PRMT2: variants seen among roughly 807,000 people sequenced by gnomAD.
The protein encoded by PRMT2 is protein arginine N-methyltransferase 2.
PRMT2 carries 26 observed loss-of-function variants against 57.6 expected under a neutral mutation model. The observed-to-expected ratio is 0.45, with a 90% CI of 0.33 to 0.63. The LOEUF (loss-of-function observed/expected upper bound fraction) is 0.63. Among genes scored for constraint, PRMT2 ranks in the 20% least tolerant of loss-of-function variants. The probability of loss-of-function intolerance (pLI) is 0.02; values close to 1 mark genes in which losing one functional copy is unlikely to be tolerated. For synonymous variants in PRMT2, 219 were observed against 220.0 expected (o/e 1.00, Z 0.04); for missense variants, 472 against 564.4 (o/e 0.84, Z 1.66).
chr21:46,660,751 C>G, intron 8 of PRMT2, 82 bp from the exon 9 acceptor site: 1 of 1,520,216 alleles, frequency 6.6e-7, no homozygotes, highest in Non-Finnish European at 8.9e-7. Flanking sequence ...AGGGAGAGCA[C>G]TCACCGCGGT....
intron 10 of PRMT2, 73 bp from the exon 11 acceptor site, chr21:46,663,308 TGA>T: frequency 4.8e-6 from 7 of 1,471,888 alleles, no homozygotes; most frequent in Non-Finnish European, 6.5e-6. Context: ...AGTGCGAGCC[TGA>T]GTCAGCGCCC....
In PRMT2 at chr21:46,648,633, C is replaced by G; in HGVS notation, c.489+14C>G. On this transcript the variant is annotated intron_variant, in intron 6 of 11. Coordinates refer to ENST00000355680, the MANE Select transcript of PRMT2 (RefSeq NM_206962.4). The surrounding 1 kb of genome is among the most constrained non-coding windows in gnomAD (Gnocchi z 4.8). The stretch of plus-strand genomic sequence containing the variant: ...CGGCCTAGAGCGGTGAGTGGGGTCT[C>G]GAGCGCATCCCGGGTGTTTGTGCCG... 2 of 1,608,960 alleles carry G rather than the reference C, an allele frequency of 1.2e-6. No homozygotes were observed. Among genetic ancestry groups the G allele is most frequent in the South Asian group, 1.1e-5 (1 of 90,996 alleles).
chr21:46,662,804 C>A (rs2061650665), intron 10 of PRMT2, among the ~76,000 whole-genome samples: 1 of 152,184 alleles, frequency 6.6e-6, no homozygotes, highest in Non-Finnish European at 1.5e-5. Flanking sequence ...AGAATCATAG[C>A]GTTTTACTAT....
intron 3 of PRMT2, among the ~76,000 whole-genome samples, chr21:46,639,510 C>T (rs1407182302): frequency 6.6e-6 from 1 of 151,348 alleles, no homozygotes. Context: ...ATTTTGAGTC[C>T]CTGTTATTGG....
chr21:46,658,916 C>G lies in PRMT2; in HGVS notation c.826C>G (p.Leu276Val). 1 of 1,613,168 alleles carries G rather than the reference C, an allele frequency of 6.2e-7. No homozygotes were observed. The highest frequency in any genetic ancestry group is 8.5e-7 in the Non-Finnish European group (1 of 1,179,364). The change falls in exon 8 of 12, where the codon CTG (leucine) becomes GTG (valine). Residue 276 changes from leucine (L) to valine (V), a missense_variant. By Grantham distance (32) the Leu-to-Val change is conservative. Coordinates refer to ENST00000355680, the MANE Select transcript of PRMT2 (RefSeq NM_206962.4). ...DNAYEFNLSA[L>V]KSLAVKEFFS... ...CGCGTACGAGTTCAACCTCAGCGCT[C>G]TGAAGTAAGTGTCCACAGCTGGGAC...
intron 7 of PRMT2, chr21:46,654,152 A>G (rs1020676502): frequency 9.2e-6 from 9 of 983,442 alleles, no homozygotes; most frequent in East Asian, 2.3e-4. Flanking sequence ...ATCCTAAGGA[A>G]ATAATCAAAT....
intron 7 of PRMT2, chr21:46,653,288 A>AT: frequency 1.7e-5 from 17 of 985,466 alleles, no homozygotes; most frequent in Non-Finnish European, 2.0e-5. Flanking sequence ...GAAAGTCTTT[A>AT]TAAGTCAGCT....
intron 5 of PRMT2, among the ~76,000 whole-genome samples, chr21:46,645,647 G>A (rs2061353474): frequency 6.6e-6 from 1 of 151,922 alleles, no homozygotes. Context: ...AAGGAATAGG[G>A]CAAAGAATCT....
rs377570928 is a variant in PRMT2, at chr21:46,652,018, A to G, written c.654+2279A>G. 5.0e-6 allele frequency: 8 copies of G among 1,612,994 alleles called. No individual in the cohort carries two copies. In the African/African-American group the frequency reaches 1.1e-4, roughly 22 times the overall value. ...TCTTCCTACTCTGACGCTGACATGTAGTAAAAGTCTGAAGACAGAGAAGAG... is the reference window on the plus strand; with the variant it reads ...TCTTCCTACTCTGACGCTGACATGTGGTAAAAGTCTGAAGACAGAGAAGAG... On this transcript the variant is annotated intron_variant, in intron 7 of 11. Transcript: ENST00000355680.
At position 46,664,565 on chromosome 21, in the gene PRMT2, CTG is replaced by C. The variant is rs1431746432; in HGVS notation, c.*242_*243del. 3.4e-6 allele frequency: 2 copies of C among 594,206 alleles called. No homozygotes were observed. The highest frequency in any genetic ancestry group is 1.9e-5 in the South Asian group (1 of 51,314). The allele number at this position is 594,206 out of a possible 1,614,324, so 36.8% of individuals were successfully genotyped here. A position where few individuals can be genotyped will look rare whatever the true frequency, so the allele number is the denominator to read the frequency against. ...CCAGTGTCTGCCCTCTAGAAGTAGG[CTG>C]TGTTTCCAGGTGTTCACCCGTGGTG... is the stretch of plus-strand genomic sequence containing the variant. On this transcript the variant is annotated 3_prime_UTR_variant, in exon 12 of 12. Transcript: ENST00000355680.
Position 46,648,722 on chromosome 21 carries a change from T to C in PRMT2, c.489+103T>C. The C allele has an allele frequency of 7.0e-7, 1 of 1,432,198 alleles. No individual in the cohort carries two copies. Among genetic ancestry groups the C allele is most frequent in the Non-Finnish European group, 9.6e-7 (1 of 1,044,114 alleles). 88.7% of individuals were successfully genotyped at this position (1,432,198 alleles called of 1,614,324 possible). ...CTTGTGACCCTGAGCTGTTGGGGGC[T>C]CACCGGTGACTCCATGGTCTTGTTG... On this transcript the variant is annotated intron_variant, in intron 6 of 11. Transcript: ENST00000355680. The surrounding 1 kb of genome is among the most constrained non-coding windows in gnomAD (Gnocchi z 4.8).
chr21:46,651,983 T>C (rs1374728221), intron 7 of PRMT2: 1 of 1,613,128 alleles, frequency 6.2e-7, no homozygotes, highest in Non-Finnish European at 8.5e-7. Context: ...CCTTCATCTC[T>C]CCTGGCCCAT....
intron 11 of PRMT2, 147 bp from the exon 12 acceptor site, chr21:46,664,148 T>C (rs1283825941): frequency 1.6e-6 from 1 of 637,828 alleles, no homozygotes; most frequent in East Asian, 2.7e-5. Flanking sequence ...CTTTGCTTTG[T>C]GATAAGTTTT....
chr21:46,643,716 C>T, intron 4 of PRMT2, 77 bp downstream of exon 4: 1 of 1,486,338 alleles, frequency 6.7e-7, no homozygotes, highest in Non-Finnish European at 9.0e-7. Flanking sequence ...TTGCAGACGT[C>T]ACACCAAAGT....
At position 46,650,487 on chromosome 21, in the gene PRMT2, G is replaced by C. The variant is rs565793554; in HGVS notation, c.654+748G>C. Among the ~76,000 whole-genome samples the C allele has an allele frequency of 1.1e-4, 17 of 152,280 alleles. No individual in the cohort carries two copies. The South Asian group carries it at 3.5e-3, about 32-fold the overall frequency. On this transcript the variant is annotated intron_variant, in intron 7 of 11. Transcript: ENST00000355680. ...GGGCTTTTAGTCCTGTTGAAATTTT[G>C]TTGTCAGAAGATAAATGTAAATAGA...
chr21:46,648,412 T>C lies in PRMT2; in HGVS notation c.328-46T>C, dbSNP rs758287284. 13 of 1,600,476 alleles carry C rather than the reference T, an allele frequency of 8.1e-6. No homozygotes were observed. In the Admixed American group the frequency reaches 2.2e-4, roughly 27 times the overall value. ...CTCCATCTCAGTCCAGACCTCAGCA[T>C]GGCTCTAGGTCACAGGCAGTGATTC... is the stretch of plus-strand genomic sequence containing the variant. On this transcript the variant is annotated intron_variant, in intron 5 of 11. Transcript: ENST00000355680. This position sits in a 1 kb window ranked among gnomAD's most constrained non-coding sequence, Gnocchi z 4.8.
chr21:46,647,940 G>A (rs2061390132), intron 5 of PRMT2, among the ~76,000 whole-genome samples: 1 of 152,004 alleles, frequency 6.6e-6, no homozygotes, highest in Admixed American at 6.5e-5. Flanking sequence ...CACCTTTGTA[G>A]GATCTGCAAG....
chr21:46,644,187 C>A, intron 4 of PRMT2, 119 bp from the exon 5 acceptor site: 1 of 987,848 alleles, frequency 1.0e-6, no homozygotes, highest in Non-Finnish European at 1.5e-6. Flanking sequence ...TGTCATTACC[C>A]ACTGACTCCT....
In PRMT2 at chr21:46,649,336, C is replaced by G. The variant is rs929869819; in HGVS notation, c.490-239C>G. ...GGCATGCGAGTCTTCCATCCACTTG[C>G]AGCCCTGCGTCTGTGTCTTGTCCGG... On this transcript the variant is annotated intron_variant, in intron 6 of 11. Coordinates refer to ENST00000355680, the MANE Select transcript of PRMT2 (RefSeq NM_206962.4). The surrounding 1 kb of genome is among the most constrained non-coding windows in gnomAD (Gnocchi z 4.8). Among the ~76,000 whole-genome samples the G allele has an allele frequency of 6.6e-6, 1 of 152,220 alleles. No homozygotes were observed. Among genetic ancestry groups the G allele is most frequent in the African/African-American group, 2.4e-5 (1 of 41,458 alleles).
Sources: allele counts gnomAD v4.1 joint callset (sites outside exome capture counted in the v4.1 genomes callset), GRCh38; gene constraint gnomAD v4.1.1; non-coding constraint Gnocchi (gnomAD v3.1); transcripts MANE v1.5; gene names NCBI Gene and HGNC (gene_info 2026-07-23, HGNC 2026-07-21).